DSCAML1: variants seen among roughly 807,000 people sequenced by gnomAD.
DSCAML1 encodes cell adhesion molecule DSCAML1.
Under a neutral mutation model 200.5 loss-of-function variants are expected in DSCAML1, and 38 were observed. The ratio of observed to expected loss-of-function variants is 0.19; its 90% CI spans 0.15 to 0.25. DSCAML1 has a LOEUF of 0.25. Ranked by LOEUF, DSCAML1 falls within the 10% of genes least tolerant of loss-of-function variation. DSCAML1 has a pLI of 1.00. For missense variants in DSCAML1, 2,223 were observed against 2,858.8 expected (o/e 0.78, Z 5.07); for synonymous variants, 1,215 against 1,165.0 (o/e 1.04, Z -0.87).
At chr11:117,589,409 C>T (rs2051215216) in intron 3 of DSCAML1, among the ~76,000 whole-genome samples, 1 of 152,162 alleles carries the variant, frequency 6.6e-6, no homozygotes, top group Non-Finnish European at 1.5e-5. Flanking sequence ...GAACACCCCC[C>T]TCCCACCTCC....
intron 6 of DSCAML1, among the ~76,000 whole-genome samples, chr11:117,520,504 T>C (rs186927168): frequency 1.3e-5 from 2 of 151,624 alleles, no homozygotes; most frequent in Non-Finnish European, 2.9e-5. Flanking sequence ...GCAGAGACAG[T>C]AGAGTATGAT....
intron 3 of DSCAML1, among the ~76,000 whole-genome samples, chr11:117,649,905 G>T (rs1413994586): frequency 1.3e-5 from 2 of 152,118 alleles, no homozygotes; most frequent in African/African-American, 4.8e-5. Context: ...CGGAACCATG[G>T]CCTCCCCAGG....
At position 117,642,879 on chromosome 11, in the gene DSCAML1, T is replaced by C. The variant is rs975197027; in HGVS notation, c.512-110357A>G. On this transcript the variant is annotated intron_variant, in intron 3 of 32. Transcript: ENST00000651296. This position sits in a 1 kb window ranked among gnomAD's most constrained non-coding sequence, Gnocchi z 4.1. ...TTGTGTTCAGGCAGCTTGGGAGATA[T>C]TGCTTACCCCAGGAAGCCCTCAGGG... is the stretch of plus-strand genomic sequence containing the variant. Among the ~76,000 whole-genome samples the C allele has an allele frequency of 3.9e-5, 6 of 152,186 alleles. No homozygotes were observed. Among genetic ancestry groups the C allele is most frequent in the Middle Eastern group, 3.2e-3 (1 of 316 alleles).
chr11:117,442,891 C>G (rs1337366594), intron 21 of DSCAML1, among the ~76,000 whole-genome samples: 1 of 152,188 alleles, frequency 6.6e-6, no homozygotes, highest in East Asian at 1.9e-4. Context: ...CCACTCCTGC[C>G]TCAGGTTGCT....
At chr11:117,810,486 G>A (rs924858881) in intron 1 of DSCAML1, among the ~76,000 whole-genome samples, 2 of 151,752 alleles carry the variant, frequency 1.3e-5, no homozygotes, top group Non-Finnish European at 2.9e-5. Context: ...TTTTCTGGAG[G>A]GCAAGAAACC....
intron 11 of DSCAML1, among the ~76,000 whole-genome samples, chr11:117,495,127 C>A (rs2049265934): frequency 6.6e-6 from 1 of 152,158 alleles, no homozygotes. Flanking sequence ...CCCCATGGAG[C>A]TGGGCCAGGG....
intron 11 of DSCAML1, among the ~76,000 whole-genome samples, chr11:117,497,382 C>T (rs1285036888): frequency 6.6e-6 from 1 of 152,164 alleles, no homozygotes; most frequent in African/African-American, 2.4e-5. Flanking sequence ...CTGCAGACCT[C>T]CTGGCGAGGG....
chr11:117,749,014 T>G (rs952995854), intron 3 of DSCAML1, among the ~76,000 whole-genome samples: 3 of 152,212 alleles, frequency 2.0e-5, no homozygotes, highest in African/African-American at 7.2e-5. Flanking sequence ...TTGACACACG[T>G]GCCTTGCCTG....
At chr11:117,655,416 A>T (rs923426418) in intron 3 of DSCAML1, among the ~76,000 whole-genome samples, 6 of 152,258 alleles carry the variant, frequency 3.9e-5, no homozygotes, top group African/African-American at 1.4e-4. Flanking sequence ...TATTGGGTTC[A>T]TAGTATCATC....
chr11:117,501,991 C>T (rs778793351), intron 11 of DSCAML1, among the ~76,000 whole-genome samples: 1 of 151,980 alleles, frequency 6.6e-6, no homozygotes, highest in Non-Finnish European at 1.5e-5. Flanking sequence ...TGAGCCCCAG[C>T]GTGTGTGTGG....
chr11:117,513,740 CAAA>C (rs58490526), intron 8 of DSCAML1, among the ~76,000 whole-genome samples: 14 of 77,780 alleles, frequency 1.8e-4, no homozygotes, highest in Admixed American at 4.4e-4. Context: ...GACTCTATCT[CAAA>C]AAAAAAAAAA....
rs191337162 is a variant in DSCAML1 at position 117,541,092 on chromosome 11, A to T, written c.512-8570T>A. Among the ~76,000 whole-genome samples the T allele has an allele frequency of 1.7e-3, 263 of 152,344 alleles. 1 individual carries two copies. The highest frequency in any genetic ancestry group is 6.1e-3 in the African/African-American group (254 of 41,594). ...GATCATCTACTACGGGGATTTTAAAATGCGTGTGTCTGCACGTGCATTTGC... is the reference window on the plus strand; with the variant it reads ...GATCATCTACTACGGGGATTTTAAATTGCGTGTGTCTGCACGTGCATTTGC... On this transcript the variant is annotated intron_variant, in intron 3 of 32. Coordinates refer to ENST00000651296, the MANE Select transcript of DSCAML1 (RefSeq NM_020693.4).
chr11:117,554,279 G>A (rs1338593466), intron 3 of DSCAML1, among the ~76,000 whole-genome samples: 2 of 152,138 alleles, frequency 1.3e-5, no homozygotes, highest in African/African-American at 4.8e-5. Context: ...CACTTAAAAT[G>A]GTTAAGATGG....
rs59081680 is a variant in DSCAML1, at chr11:117,648,417, G to GC, written c.512-115896dup. On this transcript the variant is annotated intron_variant, in intron 3 of 32. Transcript: ENST00000651296. ...ACCCGCTTCCACGCAGTTCACCTCTGCCCCCCTTGGATCACGCAGCAGCCA... is the reference window on the plus strand; with the variant it reads ...ACCCGCTTCCACGCAGTTCACCTCTGCCCCCCCTTGGATCACGCAGCAGCCA... Among the ~76,000 whole-genome samples, 983 of 152,326 alleles carry GC rather than the reference G, an allele frequency of 6.5e-3. 11 individuals carry two copies. Among genetic ancestry groups the GC allele is most frequent in the East Asian group, 0.037 (193 of 5,178 alleles).
At chr11:117,729,879 G>T (rs2054190873) in intron 3 of DSCAML1, among the ~76,000 whole-genome samples, 1 of 152,204 alleles carries the variant, frequency 6.6e-6, no homozygotes, top group Admixed American at 6.5e-5. Context: ...ATCCAAGTGG[G>T]CCCAATGTAA....
intron 3 of DSCAML1, among the ~76,000 whole-genome samples, chr11:117,549,551 T>C (rs2050434169): frequency 6.6e-6 from 1 of 152,216 alleles, no homozygotes; most frequent in Non-Finnish European, 1.5e-5. Context: ...CTAATAACAG[T>C]ACCAATCACA....
intron 21 of DSCAML1, among the ~76,000 whole-genome samples, chr11:117,443,558 T>C (rs1592585644): frequency 6.6e-6 from 1 of 152,210 alleles, no homozygotes; most frequent in African/African-American, 2.4e-5. Context: ...GAGCTGAGCA[T>C]TGGGACAAAG....
At chr11:117,448,641 G>GT in intron 20 of DSCAML1, among the ~76,000 whole-genome samples, 1 of 147,280 alleles carries the variant, frequency 6.8e-6, no homozygotes, top group East Asian at 2.2e-4. Flanking sequence ...GTGTGTGTGG[G>GT]GGGTGGGTAG....
At chr11:117,729,970 G>A (rs2054192902) in intron 3 of DSCAML1, among the ~76,000 whole-genome samples, 1 of 152,236 alleles carries the variant, frequency 6.6e-6, no homozygotes, top group Admixed American at 6.5e-5. Context: ...GGAGGCCAGG[G>A]CGGGTGGATC....
Sources: gnomAD v4.1 joint callset for allele counts (sites outside exome capture counted in the v4.1 genomes callset) on GRCh38, gnomAD v4.1.1 for gene constraint, Gnocchi (gnomAD v3.1) non-coding constraint, MANE v1.5 for transcripts, NCBI Gene and HGNC (gene_info 2026-07-23, HGNC 2026-07-21) for gene names.